E2F5: variants seen among roughly 807,000 people sequenced by gnomAD.
E2F5 encodes the protein E2F transcription factor 5.
In E2F5, 23 loss-of-function variants were observed where a neutral mutation model predicts 39.1. The observed-to-expected ratio is 0.59, with a 90% CI of 0.42 to 0.83. The LOEUF is 0.83. E2F5 is among the 40% of genes least tolerant of loss of function. The probability of loss-of-function intolerance (pLI) is 0.00; values close to 1 mark genes in which losing one functional copy is unlikely to be tolerated. For synonymous variants in E2F5, 145 were observed against 157.8 expected (o/e 0.92, Z 0.61); for missense variants, 365 against 406.7 (o/e 0.90, Z 0.88).
chr8:85,212,270 C>A, intron 7 of E2F5, 66 bp downstream of exon 7: 1 of 1,199,388 alleles, frequency 8.3e-7, no homozygotes, highest in Non-Finnish European at 1.2e-6. Context: ...ATAAGTGAAA[C>A]ATGATTTAAA....
chr8:85,200,213 C>T (rs952168863), intron 1 of E2F5: 37 of 699,324 alleles, frequency 5.3e-5, no homozygotes, highest in Admixed American at 4.4e-4. Flanking sequence ...CACCACTGCA[C>T]TCCAGCTTCG....
At chr8:85,185,209 A>G (rs1347586109) in intron 1 of E2F5, among the ~76,000 whole-genome samples, 1 of 152,178 alleles carries the variant, frequency 6.6e-6, no homozygotes, top group Non-Finnish European at 1.5e-5. Context: ...AATAAACACC[A>G]CACATCTACA....
rs1812109167 is a variant in E2F5 at position 85,177,524 on chromosome 8, C to T, written c.104C>T (p.Pro35Leu). Residue 35 changes from proline to leucine, a missense_variant, in exon 1 of 8, where the codon CCG becomes CTG. Pro to Leu is a moderately conservative substitution (Grantham distance 98). Coordinates refer to ENST00000416274, the MANE Select transcript of E2F5 (RefSeq NM_001951.4). ...PQPPQAQAPQPPPPPQLGGAG... is the reference protein window; with the variant it reads ...PQPPQAQAPQLPPPPQLGGAG... ...CCTCCGCAGGCGCAAGCCCCGCAGCCGCCCCCGCCGCCGCAGCTCGGGGGC... is the reference window on the plus strand; with the variant it reads ...CCTCCGCAGGCGCAAGCCCCGCAGCTGCCCCCGCCGCCGCAGCTCGGGGGC... The T allele has an allele frequency of 8.7e-7, 1 of 1,144,868 alleles. No individual in the cohort carries two copies. Among genetic ancestry groups the T allele is most frequent in the Non-Finnish European group, 1.1e-6 (1 of 932,916 alleles). The allele number at this position is 1,144,868 out of a possible 1,614,324, so 70.9% of individuals were successfully genotyped here. A position where few individuals can be genotyped will look rare whatever the true frequency, so the allele number is the denominator to read the frequency against.
intron 1 of E2F5, 24 bp from the exon 2 acceptor site, chr8:85,202,123 G>A (rs1304674545): frequency 1.3e-6 from 2 of 1,587,668 alleles, no homozygotes; most frequent in Non-Finnish European, 1.7e-6. Context: ...TTATTTCACT[G>A]TTCTCGTTGT....
chr8:85,179,949 C>T (rs1369043949), intron 1 of E2F5, among the ~76,000 whole-genome samples: 4 of 152,082 alleles, frequency 2.6e-5, no homozygotes, highest in Admixed American at 2.0e-4. Context: ...CGTGAGCCAC[C>T]GCGCCCGGCC....
chr8:85,201,404 CTT>C (rs1355129146), intron 1 of E2F5, among the ~76,000 whole-genome samples: 1 of 152,202 alleles, frequency 6.6e-6, no homozygotes, highest in Non-Finnish European at 1.5e-5. Context: ...TTGAGGTTCT[CTT>C]TGTTCTTTTG....
chr8:85,197,679 A>G (rs1812610527), intron 1 of E2F5, among the ~76,000 whole-genome samples: 1 of 152,190 alleles, frequency 6.6e-6, no homozygotes, highest in South Asian at 2.1e-4. Context: ...ATACAATTAG[A>G]TGCTTCCTTT....
chr8:85,207,586 A>T (rs1812825422), intron 5 of E2F5, 97 bp downstream of exon 5: 3 of 975,480 alleles, frequency 3.1e-6, no homozygotes, highest in Non-Finnish European at 4.5e-6. Context: ...AATTGTGTAA[A>T]CACTGTGAGT....
rs535412775 is a variant in E2F5, at chr8:85,206,508, C to T, written c.550+288C>T. Among the ~76,000 whole-genome samples, 3 of 152,298 alleles carry T rather than the reference C, an allele frequency of 2.0e-5. No individual in the cohort carries two copies. In the South Asian group the frequency reaches 6.2e-4, roughly 32 times the overall value. On this transcript the variant is annotated intron_variant, in intron 4 of 7. Coordinates refer to ENST00000416274, the MANE Select transcript of E2F5 (RefSeq NM_001951.4). ...GCTAAATCAGAGCGGGATTAAGCAACTTTCATTGTCACACAGTCACAGAGT... is the reference window on the plus strand; with the variant it reads ...GCTAAATCAGAGCGGGATTAAGCAATTTTCATTGTCACACAGTCACAGAGT...
chr8:85,198,070 T>C (rs1046426229), intron 1 of E2F5, among the ~76,000 whole-genome samples: 2 of 152,184 alleles, frequency 1.3e-5, no homozygotes, highest in African/African-American at 2.4e-5. Flanking sequence ...AGAATAAAAA[T>C]CAACCAGAAG....
intron 4 of E2F5, 91 bp from the exon 5 acceptor site, chr8:85,207,334 C>G: frequency 8.7e-7 from 1 of 1,147,108 alleles, no homozygotes; most frequent in East Asian, 2.6e-5. Context: ...GGGATTGAAC[C>G]AAACACTCTG....
intron 1 of E2F5, among the ~76,000 whole-genome samples, chr8:85,181,331 A>G (rs1812208005): frequency 6.6e-6 from 1 of 150,888 alleles, no homozygotes; most frequent in Non-Finnish European, 1.5e-5. Context: ...TTAGTGACAC[A>G]TTTCTTCTTT....
intron 4 of E2F5, among the ~76,000 whole-genome samples, chr8:85,207,188 G>A (rs1158559426): frequency 1.3e-5 from 2 of 152,288 alleles, no homozygotes; most frequent in African/African-American, 4.8e-5. Context: ...ATTTGTTAAT[G>A]AGAATCATAC....
In E2F5 at chr8:85,177,217, G is replaced by T. The variant is rs1470117436; in HGVS notation, c.-204G>T. On this transcript the variant is annotated 5_prime_UTR_variant, in exon 1 of 8. Transcript: ENST00000416274. ...CCTCATTCACGCTTCCCCGGGCTTGGGGAGGGGGCGGAGGCCCGGCGTGAC... is the reference window on the plus strand; with the variant it reads ...CCTCATTCACGCTTCCCCGGGCTTGTGGAGGGGGCGGAGGCCCGGCGTGAC... The T allele has an allele frequency of 4.1e-6, 1 of 241,494 alleles. No homozygotes were observed. The highest frequency in any genetic ancestry group is 6.5e-5 in the Admixed American group (1 of 15,418). 15.0% of individuals were successfully genotyped at this position (241,494 alleles called of 1,614,324 possible).
In E2F5 at chr8:85,177,221, G is replaced by A; in HGVS notation, c.-200G>A. ...ATTCACGCTTCCCCGGGCTTGGGGA[G>A]GGGGCGGAGGCCCGGCGTGACAAGC... On this transcript the variant is annotated 5_prime_UTR_variant, in exon 1 of 8. Transcript: ENST00000416274. 3.9e-6 allele frequency: 1 copy of A among 256,932 alleles called. No homozygotes were observed. The highest frequency in any genetic ancestry group is 6.1e-6 in the Non-Finnish European group (1 of 163,736). The allele number at this position is 256,932 out of a possible 1,614,324, so 15.9% of individuals were successfully genotyped here. A position where few individuals can be genotyped will look rare whatever the true frequency, so the allele number is the denominator to read the frequency against.
intron 6 of E2F5, among the ~76,000 whole-genome samples, chr8:85,210,781 A>G (rs982964120): frequency 2.0e-5 from 3 of 152,178 alleles, no homozygotes; most frequent in Admixed American, 1.3e-4. Flanking sequence ...CTTAGACATA[A>G]TTAACACACT....
intron 1 of E2F5, among the ~76,000 whole-genome samples, chr8:85,196,898 T>C (rs1199538386): frequency 1.3e-5 from 2 of 152,210 alleles, no homozygotes; most frequent in Non-Finnish European, 2.9e-5. Flanking sequence ...TAAAATTAAG[T>C]AATAATTAGT....
At chr8:85,204,764 A>G (rs1812767132) in intron 3 of E2F5, among the ~76,000 whole-genome samples, 1 of 152,194 alleles carries the variant, frequency 6.6e-6, no homozygotes, top group African/African-American at 2.4e-5. Context: ...TAAACTAACC[A>G]GTCAAGGTCC....
intron 3 of E2F5, among the ~76,000 whole-genome samples, chr8:85,204,743 C>G (rs551191593): frequency 3.3e-5 from 5 of 152,138 alleles, no homozygotes; most frequent in Admixed American, 6.5e-5. Context: ...CAGGAGCATC[C>G]CTTTGATATA....
Sources: gnomAD v4.1 joint callset for allele counts (sites outside exome capture counted in the v4.1 genomes callset) on GRCh38, gnomAD v4.1.1 for gene constraint, MANE v1.5 for transcripts, NCBI Gene and HGNC (gene_info 2026-07-23, HGNC 2026-07-21) for gene names.